The following GOLIM4 variants were observed in gnomAD, a reference collection of about 807,000 sequenced individuals.
GOLIM4 encodes 130 kDa golgi-localized phosphoprotein.
In GOLIM4, 71 loss-of-function variants were observed where a neutral mutation model predicts 107.4. That is an observed-to-expected ratio of 0.66 (90% CI 0.55 to 0.81). GOLIM4 has a LOEUF of 0.81. Among genes scored for constraint, GOLIM4 ranks in the 30% least tolerant of loss-of-function variants. The pLI is 0.00. For synonymous variants in GOLIM4, 327 were observed against 294.8 expected (o/e 1.11, Z -1.12); for missense variants, 830 against 826.1 (o/e 1.00, Z -0.06).
chr3:168,081,585 A>G (rs995185138), intron 1 of GOLIM4, among the ~76,000 whole-genome samples: 10 of 152,176 alleles, frequency 6.6e-5, no homozygotes, highest in African/African-American at 2.2e-4. Flanking sequence ...TGTGAGTAAG[A>G]GCCCGGAGTT....
At chr3:168,046,852 A>G (rs1332615534) in intron 3 of GOLIM4, 98 bp downstream of exon 3, 6 of 621,890 alleles carry the variant, frequency 9.6e-6, no homozygotes, top group Non-Finnish European at 1.6e-5. Flanking sequence ...CAGGGATCAA[A>G]AAGTAAAAGA....
intron 13 of GOLIM4, 129 bp from the exon 14 acceptor site, chr3:168,024,723 G>A: frequency 1.2e-6 from 1 of 865,234 alleles, no homozygotes; most frequent in Non-Finnish European, 1.9e-6. Flanking sequence ...GCCAGGAAAT[G>A]ATGAGTAATC....
At chr3:168,089,769 C>CCTT (rs1161401076) in intron 1 of GOLIM4, among the ~76,000 whole-genome samples, 1 of 137,922 alleles carries the variant, frequency 7.3e-6, no homozygotes. Flanking sequence ...ATGTTTCTCT[C>CCTT]TTTTTTTTTT....
At chr3:168,082,617 T>C (rs1027571269) in intron 1 of GOLIM4, among the ~76,000 whole-genome samples, 2 of 152,118 alleles carry the variant, frequency 1.3e-5, no homozygotes, top group Non-Finnish European at 2.9e-5. Flanking sequence ...GACAAGGCAC[T>C]TTATCAATAC....
In GOLIM4 at chr3:168,010,268, G is replaced by C. The variant is rs373039345; in HGVS notation, c.*1C>G. 2 of 1,607,700 alleles carry C rather than the reference G, an allele frequency of 1.2e-6. No individual in the cohort carries two copies. Among genetic ancestry groups the C allele is most frequent in the East Asian group, 4.5e-5 (2 of 44,700 alleles). ...GAGCGTTGTCTAGAAATTGGGTGCC[G>C]CTACATTTCAGCTCTTCGATGTGAT... On this transcript the variant is annotated 3_prime_UTR_variant, in exon 16 of 16. Transcript: ENST00000470487.
At chr3:168,023,205 T>C (rs1255152677) in intron 14 of GOLIM4, among the ~76,000 whole-genome samples, 3 of 152,160 alleles carry the variant, frequency 2.0e-5, no homozygotes, top group African/African-American at 7.2e-5. Context: ...TAAAACAAAG[T>C]GGTATTAGTC....
At chr3:168,035,848 TG>T (rs1243201993) in intron 8 of GOLIM4, among the ~76,000 whole-genome samples, 2 of 150,224 alleles carry the variant, frequency 1.3e-5, no homozygotes, top group African/African-American at 2.5e-5. Context: ...TACAGATGAT[TG>T]GAAAAAAAAA....
At chr3:168,015,723 C>G (rs1438544886) in intron 14 of GOLIM4, among the ~76,000 whole-genome samples, 1 of 135,400 alleles carries the variant, frequency 7.4e-6, no homozygotes, top group Non-Finnish European at 1.5e-5. Flanking sequence ...ACAGAGCCCT[C>G]AGAAATAACG....
intron 7 of GOLIM4, among the ~76,000 whole-genome samples, chr3:168,038,083 C>G (rs907125271): frequency 6.6e-6 from 1 of 152,148 alleles, no homozygotes; most frequent in Non-Finnish European, 1.5e-5. Context: ...TTGCTTCTTT[C>G]TAGTGTACAC....
intron 5 of GOLIM4, among the ~76,000 whole-genome samples, chr3:168,043,120 A>G (rs1361376439): frequency 6.6e-6 from 1 of 152,230 alleles, no homozygotes; most frequent in Non-Finnish European, 1.5e-5. Flanking sequence ...GTCTTGCCCA[A>G]CAGGGCCATG....
At chr3:168,045,697 T>C (rs1172491727) in intron 3 of GOLIM4, among the ~76,000 whole-genome samples, 1 of 152,188 alleles carries the variant, frequency 6.6e-6, no homozygotes, top group Non-Finnish European at 1.5e-5. Flanking sequence ...AGCACAAGTA[T>C]ACACTCATGC....
Position 168,074,095 on chromosome 3 carries a change from C to T in GOLIM4, c.187+21004G>A, listed in dbSNP as rs143348456. 5.2e-3 allele frequency among the ~76,000 whole-genome samples: 796 copies of T among 152,226 alleles called. 3 individuals carry two copies. The highest frequency in any genetic ancestry group is 0.019 in the African/African-American group (769 of 41,532). On this transcript the variant is annotated intron_variant, in intron 1 of 15. Transcript: ENST00000470487. ...ATGTTATGAGGACATGTAGGCAACC[C>T]GAGGAGGGGCGCACACAGAGAGAAA...
Position 168,010,199 on chromosome 3 carries a change from T to A in GOLIM4, c.*70A>T. On this transcript the variant is annotated 3_prime_UTR_variant, in exon 16 of 16. Transcript: ENST00000470487. ...TGTAATTAAATATCCTAGAGTTCAGTAGGCAGATTTATGTTTGAGCAGCTT... is the reference window on the plus strand; with the variant it reads ...TGTAATTAAATATCCTAGAGTTCAGAAGGCAGATTTATGTTTGAGCAGCTT... 14 of 1,378,630 alleles carry A rather than the reference T, an allele frequency of 1.0e-5. No individual in the cohort carries two copies. Among genetic ancestry groups the A allele is most frequent in the Non-Finnish European group, 1.4e-5 (14 of 1,004,204 alleles). 85.4% of individuals were successfully genotyped at this position (1,378,630 alleles called of 1,614,324 possible).
chr3:168,019,657 T>C (rs1313429423), intron 14 of GOLIM4, among the ~76,000 whole-genome samples: 3 of 152,224 alleles, frequency 2.0e-5, no homozygotes, highest in Non-Finnish European at 4.4e-5. Flanking sequence ...CTCATTTCTC[T>C]AGTCTCAACA....
chr3:168,010,306 G>A lies in GOLIM4; in HGVS notation c.2054C>T (p.Ala685Val), dbSNP rs546141909. ...EEEEEEEDGA[A>V]VAEKSHRRAE... Reference sequence around the variant, plus strand: ...TCTTCGATGTGATTTCTCAGCAACTGCAGCCCCGTCTTCTTCCTCCTCTTC... The same window carrying A: ...TCTTCGATGTGATTTCTCAGCAACTACAGCCCCGTCTTCTTCCTCCTCTTC... The change falls in exon 16 of 16, where the codon GCA becomes GTA. Residue 685 changes from alanine (A) to valine (V), a missense_variant. Coordinates refer to ENST00000470487, the MANE Select transcript of GOLIM4 (RefSeq NM_014498.5). 6.8e-6 allele frequency: 11 copies of A among 1,613,608 alleles called. No homozygotes were observed. In the South Asian group the frequency reaches 1.1e-4, roughly 16 times the overall value.
Position 168,011,304 on chromosome 3 carries a change from T to C in GOLIM4, c.1861-481A>G, listed in dbSNP as rs529777246. Among the ~76,000 whole-genome samples, 8 of 152,128 alleles carry C rather than the reference T, an allele frequency of 5.3e-5. 1 individual carries two copies. The South Asian group carries it at 1.7e-3, about 32-fold the overall frequency. On this transcript the variant is annotated intron_variant, in intron 14 of 15. Coordinates refer to ENST00000470487, the MANE Select transcript of GOLIM4 (RefSeq NM_014498.5). ...GACGGACGGCACCTGGAAAATCGCG[T>C]CACTCCCACCCAAATACTGCGCTTT...
intron 14 of GOLIM4, among the ~76,000 whole-genome samples, chr3:168,015,210 A>G (rs1027344176): frequency 7.6e-6 from 1 of 131,244 alleles, no homozygotes; most frequent in Non-Finnish European, 1.5e-5. Context: ...TACAAAATCA[A>G]TGTACAAAAA....
intron 1 of GOLIM4, among the ~76,000 whole-genome samples, chr3:168,051,337 C>T (rs1241744363): frequency 1.3e-5 from 2 of 152,164 alleles, no homozygotes; most frequent in Admixed American, 6.5e-5. Flanking sequence ...CTGAATCATA[C>T]AACTGTCTTT....
At chr3:168,051,988 AGAG>A (rs2108258008) in intron 1 of GOLIM4, among the ~76,000 whole-genome samples, 1 of 152,290 alleles carries the variant, frequency 6.6e-6, no homozygotes, top group East Asian at 1.9e-4. Context: ...TCTAGAAAGA[AGAG>A]GAGGAGAGGG....
Sources: gnomAD v4.1 joint callset for allele counts (sites outside exome capture counted in the v4.1 genomes callset) on GRCh38, gnomAD v4.1.1 for gene constraint, MANE v1.5 for transcripts, NCBI Gene and HGNC (gene_info 2026-07-23, HGNC 2026-07-21) for gene names.